Variants in IFT74 observed in about 807,000 individuals in gnomAD.
The protein encoded by IFT74 is intraflagellar transport protein 74 homolog.
In IFT74, 92 loss-of-function variants were observed where a neutral mutation model predicts 96.7. That is an observed-to-expected ratio of 0.95 (90% CI 0.80 to 1.13). IFT74 has a LOEUF of 1.13. Ranked by LOEUF, IFT74 falls within the 50% of genes most tolerant of loss-of-function variation. IFT74 has a pLI of 0.00. For missense variants in IFT74, 811 were observed against 698.2 expected, an observed-to-expected ratio of 1.16 and a Z score of -1.82; for synonymous variants, 223 against 213.2, an observed-to-expected ratio of 1.05 and a Z score of -0.40.
At chr9:26,997,772 A>G in intron 8 of IFT74, 1 of 1,611,250 alleles carries the variant, frequency 6.2e-7, no homozygotes, top group Non-Finnish European at 8.5e-7. Flanking sequence ...CAAATTAAAT[A>G]GACTGCAAGA....
chr9:26,958,663 A>G (rs1403413295), intron 1 of IFT74, among the ~76,000 whole-genome samples: 1 of 152,146 alleles, frequency 6.6e-6, no homozygotes, highest in Non-Finnish European at 1.5e-5. Context: ...AGCAGATGAT[A>G]ATGAGTTTGG....
At chr9:26,962,228 T>C in intron 2 of IFT74, 141 bp downstream of exon 2, 1 of 677,890 alleles carries the variant, frequency 1.5e-6, no homozygotes, top group South Asian at 2.0e-5. Flanking sequence ...CAAAAATCTG[T>C]TGAATGCTTG....
intron 16 of IFT74, among the ~76,000 whole-genome samples, chr9:27,054,328 C>A (rs950857789): frequency 2.0e-5 from 3 of 152,096 alleles, no homozygotes; most frequent in African/African-American, 4.8e-5. Context: ...AAACCTTAAG[C>A]CTTTAATTGA....
chr9:26,949,239 C>T (rs1258207003), intron 1 of IFT74, among the ~76,000 whole-genome samples: 2 of 152,184 alleles, frequency 1.3e-5, no homozygotes, highest in South Asian at 4.1e-4. Context: ...CACAGTCTCT[C>T]ATTTAGTTCT....
intron 12 of IFT74, among the ~76,000 whole-genome samples, chr9:27,023,910 C>T (rs368915227): frequency 1.4e-3 from 216 of 152,294 alleles, no homozygotes; most frequent in African/African-American, 4.9e-3. Context: ...AGACAAAAGA[C>T]ATAAACTTGT....
At chr9:26,995,728 A>G (rs758524750) in intron 8 of IFT74, 2 of 1,613,940 alleles carry the variant, frequency 1.2e-6, no homozygotes, top group Non-Finnish European at 8.5e-7. Flanking sequence ...GATGATTATA[A>G]CTAAGCAGAA....
At chr9:26,996,864 T>C (rs1004896085) in intron 8 of IFT74, among the ~76,000 whole-genome samples, 1 of 152,182 alleles carries the variant, frequency 6.6e-6, no homozygotes, top group Non-Finnish European at 1.5e-5. Flanking sequence ...GTCTGACATA[T>C]TGACTTTGCT....
intron 1 of IFT74, among the ~76,000 whole-genome samples, chr9:26,960,933 A>G (rs1313709423): frequency 6.6e-6 from 1 of 151,654 alleles, no homozygotes; most frequent in Non-Finnish European, 1.5e-5. Flanking sequence ...ATCCAGGGTG[A>G]TGGTGAGATT....
At chr9:27,044,850 T>G in intron 14 of IFT74, 55 bp downstream of exon 14, 1 of 1,050,446 alleles carries the variant, frequency 9.5e-7, no homozygotes, top group South Asian at 1.7e-5. Context: ...TGCTGTTCAT[T>G]TATACCAAAT....
At chr9:26,956,218 T>C (rs1826084019), upstream of IFT74, 1 of 152,262 alleles carries the variant, frequency 6.6e-6, no homozygotes, top group African/African-American at 2.4e-5. Flanking sequence ...TCACATAAAA[T>C]GTTTGTCTTC....
intron 13 of IFT74, among the ~76,000 whole-genome samples, chr9:27,037,983 T>C (rs556886844): frequency 3.9e-5 from 6 of 152,382 alleles, no homozygotes; most frequent in Admixed American, 1.3e-4. Context: ...CTCACTGTTT[T>C]AGCCATTTGA....
chr9:26,998,178 C>T lies in IFT74; in HGVS notation c.587+7983C>T, dbSNP rs947170394. The T allele has an allele frequency of 7.6e-6, 12 of 1,574,230 alleles. No homozygotes were observed. The Admixed American group carries it at 9.0e-5, about 12-fold the overall frequency. ...TTATAACTGAGATCAAGTATAGTAA[C>T]ATCTTTCTTGATATCTGCTGGAATC... is the stretch of plus-strand genomic sequence containing the variant. On this transcript the variant is annotated intron_variant, in intron 8 of 19. Transcript: ENST00000380062.
intron 18 of IFT74, among the ~76,000 whole-genome samples, chr9:27,059,791 A>G (rs1820335261): frequency 6.6e-6 from 1 of 152,274 alleles, no homozygotes; most frequent in African/African-American, 2.4e-5. Flanking sequence ...ACATGAGGAT[A>G]GAAACATTTC....
At chr9:26,957,022 A>G (rs1826137638) in intron 1 of IFT74, among the ~76,000 whole-genome samples, 1 of 152,206 alleles carries the variant, frequency 6.6e-6, no homozygotes, top group Non-Finnish European at 1.5e-5. Flanking sequence ...AGAAGATGAA[A>G]TCCTGAGGGG....
intron 2 of IFT74, among the ~76,000 whole-genome samples, chr9:26,973,415 G>T (rs578168604): frequency 3.3e-5 from 5 of 152,232 alleles, no homozygotes; most frequent in African/African-American, 1.2e-4. Flanking sequence ...ATGGGGTATT[G>T]CTTTCTCCTT....
At chr9:27,006,994 G>A (rs928782920) in intron 8 of IFT74, among the ~76,000 whole-genome samples, 30 of 151,506 alleles carry the variant, frequency 2.0e-4, no homozygotes, top group African/African-American at 6.3e-4. Context: ...CCACCATCAC[G>A]CCCAGCTAAT....
At chr9:27,017,988 A>G (rs1255601029) in intron 11 of IFT74, among the ~76,000 whole-genome samples, 1 of 152,206 alleles carries the variant, frequency 6.6e-6, no homozygotes, top group Non-Finnish European at 1.5e-5. Flanking sequence ...GTAGGTATCA[A>G]TTCAGGGACT....
intron 8 of IFT74, among the ~76,000 whole-genome samples, chr9:27,002,154 CAG>C (rs1430394576): frequency 1.3e-5 from 2 of 152,140 alleles, no homozygotes; most frequent in Non-Finnish European, 2.9e-5. Context: ...TCTTTTGAGA[CAG>C]AGTCTGGCTC....
chr9:27,000,019 C>T (rs1039749307), intron 8 of IFT74, among the ~76,000 whole-genome samples: 1 of 152,090 alleles, frequency 6.6e-6, no homozygotes, highest in Non-Finnish European at 1.5e-5. Context: ...CATTTCCCCC[C>T]AGCCACTGGC....
Sources: gnomAD v4.1 joint callset for allele counts (sites outside exome capture counted in the v4.1 genomes callset) on GRCh38, gnomAD v4.1.1 for gene constraint, MANE v1.5 for transcripts, NCBI Gene and HGNC (gene_info 2026-07-23, HGNC 2026-07-21) for gene names.